Variants in ZNF385D observed in about 807,000 individuals in gnomAD.
ZNF385D encodes the protein zinc finger protein 659.
ZNF385D carries 15 observed loss-of-function variants against 35.8 expected under a neutral mutation model. The ratio of observed to expected loss-of-function variants is 0.42; its 90% CI spans 0.28 to 0.64. ZNF385D has a LOEUF of 0.64. Among genes scored for constraint, ZNF385D ranks in the 30% least tolerant of loss-of-function variants. The pLI, the probability that ZNF385D is intolerant of heterozygous loss-of-function variation, is 0.23. For missense variants in ZNF385D, 474 were observed against 494.6 expected, an observed-to-expected ratio of 0.96 and a Z score of 0.39; for synonymous variants, 212 against 186.8, an observed-to-expected ratio of 1.13 and a Z score of -1.10.
At chr3:22,169,118 G>T in intron 2 of ZNF385D, 2 of 602,474 alleles carry the variant, frequency 3.3e-6, no homozygotes, top group Non-Finnish European at 4.2e-6. Context: ...GGCAAATAAG[G>T]ATTGTTCTAC....
Position 21,661,144 on chromosome 3 carries a change from C to T in ZNF385D, c.165+3742G>A, listed in dbSNP as rs2066227392. ...AGAGCTAGCAACAGTCTTCTCTGAC[C>T]TGTTTGTCGAATACTCCCAATGGTT... On this transcript the variant is annotated intron_variant, in intron 2 of 7. Coordinates refer to ENST00000281523, the MANE Select transcript of ZNF385D (RefSeq NM_024697.3). 1.3e-5 allele frequency among the ~76,000 whole-genome samples: 2 copies of T among 152,312 alleles called. 1 individual carries two copies. Among genetic ancestry groups the T allele is most frequent in the South Asian group, 4.1e-4 (2 of 4,830 alleles).
chr3:21,990,992 G>A (rs1455526410), intron 3 of ZNF385D, among the ~76,000 whole-genome samples: 1 of 152,094 alleles, frequency 6.6e-6, no homozygotes, highest in African/African-American at 2.4e-5. Context: ...GAATTAGAAT[G>A]GTATATCAAA....
At chr3:22,302,520 T>G (rs1466336268) in intron 2 of ZNF385D, among the ~76,000 whole-genome samples, 1 of 152,032 alleles carries the variant, frequency 6.6e-6, no homozygotes, top group East Asian at 1.9e-4. Context: ...CTGTCCTTAG[T>G]GTAAACAGTA....
At chr3:22,195,752 G>T (rs987939292) in intron 2 of ZNF385D, among the ~76,000 whole-genome samples, 2 of 151,870 alleles carry the variant, frequency 1.3e-5, no homozygotes, top group Non-Finnish European at 1.5e-5. Flanking sequence ...ATTCACAATA[G>T]CAAAGACATG....
intron 3 of ZNF385D, among the ~76,000 whole-genome samples, chr3:21,557,424 T>C (rs1294675631): frequency 6.6e-6 from 1 of 152,188 alleles, no homozygotes; most frequent in Non-Finnish European, 1.5e-5. Flanking sequence ...GAGATAATCA[T>C]GTGGTTTTTG....
chr3:22,000,421 T>C (rs1275370582), intron 3 of ZNF385D, among the ~76,000 whole-genome samples: 3 of 152,096 alleles, frequency 2.0e-5, no homozygotes, highest in African/African-American at 7.2e-5. Context: ...GCCATGGCAA[T>C]GTCAGGAAGT....
chr3:21,915,800 A>G (rs568054432), intron 3 of ZNF385D, among the ~76,000 whole-genome samples: 3 of 152,310 alleles, frequency 2.0e-5, no homozygotes, highest in Non-Finnish European at 2.9e-5. Flanking sequence ...CATACCTTTG[A>G]TGGGATTCAA....
At chr3:21,469,924 T>C (rs998967388) in intron 4 of ZNF385D, among the ~76,000 whole-genome samples, 8 of 128,366 alleles carry the variant, frequency 6.2e-5, no homozygotes, top group African/African-American at 2.4e-4. Flanking sequence ...ACAAAGCAGG[T>C]GCTTTAAGAA....
rs150981846 is a variant in ZNF385D, at chr3:21,989,708, G to A, written c.325+179109C>T. On this transcript the variant is annotated intron_variant, in intron 3 of 5. Transcript: ENST00000494108. ...AAAAAAAGGACAGCCAAACCATCCA[G>A]TCTTGTAAGTATGTAATTACCTTTG... Among the ~76,000 whole-genome samples, 227 of 151,968 alleles carry A rather than the reference G, an allele frequency of 1.5e-3. 1 individual carries two copies. The highest frequency in any genetic ancestry group is 5.3e-3 in the African/African-American group (219 of 41,476).
At chr3:22,181,493 G>A (rs566149056) in intron 2 of ZNF385D, among the ~76,000 whole-genome samples, 6 of 152,092 alleles carry the variant, frequency 3.9e-5, no homozygotes, top group Non-Finnish European at 5.9e-5. Flanking sequence ...TCAGGAGATC[G>A]AGACCATGCT....
intron 3 of ZNF385D, among the ~76,000 whole-genome samples, chr3:21,556,900 T>C (rs2062760585): frequency 6.6e-6 from 1 of 152,178 alleles, no homozygotes; most frequent in East Asian, 1.9e-4. Context: ...CCCATGTAAG[T>C]TGTATTCCTA....
intron 3 of ZNF385D, among the ~76,000 whole-genome samples, chr3:21,790,173 A>G (rs2071868459): frequency 6.6e-6 from 1 of 152,164 alleles, no homozygotes; most frequent in Non-Finnish European, 1.5e-5. Flanking sequence ...CTGAGGAAGA[A>G]GTCTCGGGGG....
At chr3:21,783,941 G>A (rs115143010) in intron 3 of ZNF385D, among the ~76,000 whole-genome samples, 1,895 of 152,198 alleles carry the variant, frequency 0.012, 41 homozygotes, top group African/African-American at 0.043. Flanking sequence ...ATGTAAGCAA[G>A]TCTTCCAGAA....
At chr3:21,428,062 T>C (rs61700909) in intron 5 of ZNF385D, among the ~76,000 whole-genome samples, 3,254 of 152,252 alleles carry the variant, frequency 0.021, 69 homozygotes, top group East Asian at 0.058. Context: ...CAATAACTAT[T>C]AGATAGTTTT....
chr3:21,602,625 C>G (rs111973740), intron 2 of ZNF385D, among the ~76,000 whole-genome samples: 3 of 146,370 alleles, frequency 2.0e-5, no homozygotes, highest in Non-Finnish European at 4.5e-5. Context: ...CTCCGCTTCC[C>G]GGGTTCACGC....
At chr3:22,045,698 C>A (rs146001610) in intron 3 of ZNF385D, among the ~76,000 whole-genome samples, 5 of 151,846 alleles carry the variant, frequency 3.3e-5, no homozygotes, top group Admixed American at 2.0e-4. Context: ...TAATCACTTT[C>A]GAGTATTATT....
intron 2 of ZNF385D, among the ~76,000 whole-genome samples, chr3:22,172,401 ATG>A (rs923536195): frequency 2.7e-4 from 41 of 152,338 alleles, no homozygotes; most frequent in African/African-American, 9.6e-4. Flanking sequence ...TAAAAAATGT[ATG>A]TGAGTTAATT....
chr3:22,225,888 T>C (rs1467131549), intron 2 of ZNF385D, among the ~76,000 whole-genome samples: 1 of 152,184 alleles, frequency 6.6e-6, no homozygotes. Flanking sequence ...CTACATTCAG[T>C]GTGTTTAGTT....
At chr3:21,727,177 A>G (rs982591616) in intron 1 of ZNF385D, among the ~76,000 whole-genome samples, 3 of 152,164 alleles carry the variant, frequency 2.0e-5, no homozygotes, top group Admixed American at 6.6e-5. Flanking sequence ...TAACTCAAAA[A>G]TGGACTAAAT....
Sources: allele counts gnomAD v4.1 joint callset (sites outside exome capture counted in the v4.1 genomes callset), GRCh38; gene constraint gnomAD v4.1.1; transcripts MANE v1.5; gene names NCBI Gene and HGNC (gene_info 2026-07-23, HGNC 2026-07-21).